The following PTPRD variants were observed in gnomAD, a reference collection of about 807,000 sequenced individuals.
The protein encoded by PTPRD is receptor-type tyrosine-protein phosphatase delta.
In PTPRD, 34 loss-of-function variants were observed where a neutral mutation model predicts 214.5. The observed-to-expected ratio is 0.16, with a 90% CI of 0.12 to 0.21. The LOEUF is 0.21. Ranked by LOEUF, PTPRD falls within the 10% of genes least tolerant of loss-of-function variation. PTPRD has a pLI of 1.00. For synonymous variants in PTPRD, 1,128 were observed against 845.7 expected, an observed-to-expected ratio of 1.33 and a Z score of -5.79; for missense variants, 2,545 against 2,398.7, an observed-to-expected ratio of 1.06 and a Z score of -1.27.
intron 11 of PTPRD, among the ~76,000 whole-genome samples, chr9:8,773,761 A>G (rs72702334): frequency 3.6e-4 from 55 of 152,360 alleles, no homozygotes; most frequent in Admixed American, 1.2e-3. Flanking sequence ...CTTGTTTACA[A>G]TAACTATGAT....
chr9:8,733,992 G>C (rs937536636), intron 11 of PTPRD, 46 bp from the exon 12 acceptor site: 9 of 739,348 alleles, frequency 1.2e-5, no homozygotes, highest in Non-Finnish European at 1.8e-5. Flanking sequence ...AAACACAAAA[G>C]TGCTTAGATT....
chr9:8,816,860 C>G (rs564543529), intron 11 of PTPRD, among the ~76,000 whole-genome samples: 7 of 152,248 alleles, frequency 4.6e-5, no homozygotes, highest in African/African-American at 1.7e-4. Flanking sequence ...AGATTCTTTC[C>G]TCACCTTCTA....
At chr9:8,371,373 A>G (rs141550078) in intron 39 of PTPRD, among the ~76,000 whole-genome samples, 2 of 152,178 alleles carry the variant, frequency 1.3e-5, no homozygotes, top group Non-Finnish European at 2.9e-5. Context: ...ACTAAGGTGT[A>G]AGAGCTGGGG....
At chr9:8,910,832 G>GA (rs1424427722) in intron 11 of PTPRD, among the ~76,000 whole-genome samples, 3 of 152,066 alleles carry the variant, frequency 2.0e-5, no homozygotes, top group Admixed American at 6.5e-5. Flanking sequence ...ATCCAAAAGT[G>GA]AAACTAAGTA....
chr9:10,260,925 G>T (rs770615458), intron 3 of PTPRD, among the ~76,000 whole-genome samples: 11 of 150,436 alleles, frequency 7.3e-5, no homozygotes, highest in Non-Finnish European at 1.0e-4. Flanking sequence ...ATAGTCAAGG[G>T]AATTATATTA....
chr9:10,008,144 C>T (rs537663539), intron 4 of PTPRD, among the ~76,000 whole-genome samples: 10 of 151,918 alleles, frequency 6.6e-5, no homozygotes, highest in Admixed American at 5.3e-4. Context: ...TAACAAATTC[C>T]CTGTTGGCCC....
intron 8 of PTPRD, among the ~76,000 whole-genome samples, chr9:9,568,012 T>C (rs1469174136): frequency 6.6e-6 from 1 of 151,746 alleles, no homozygotes; most frequent in Non-Finnish European, 1.5e-5. Flanking sequence ...CAGACATCTT[T>C]CAATATTGAG....
intron 23 of PTPRD, among the ~76,000 whole-genome samples, chr9:8,503,436 G>T (rs1487921407): frequency 6.6e-6 from 1 of 151,990 alleles, no homozygotes. Context: ...TTCAATTCAA[G>T]GTAAATAGTA....
chr9:10,474,538 G>C (rs544383936), intron 2 of PTPRD, among the ~76,000 whole-genome samples: 1 of 151,940 alleles, frequency 6.6e-6, no homozygotes, highest in Non-Finnish European at 1.5e-5. Flanking sequence ...CACAATAATA[G>C]TAGGAGACTT....
intron 3 of PTPRD, among the ~76,000 whole-genome samples, chr9:10,089,231 A>AAATAAATAAATAAAT (rs1446851028): frequency 2.7e-5 from 4 of 150,894 alleles, no homozygotes; most frequent in African/African-American, 7.3e-5. Context: ...ATAAATAAAT[A>AAATAAATAAATAAAT]AATAAATAGA....
intron 10 of PTPRD, among the ~76,000 whole-genome samples, chr9:9,077,857 T>A (rs146969601): frequency 6.6e-6 from 1 of 152,214 alleles, no homozygotes; most frequent in African/African-American, 2.4e-5. Context: ...ATAGTCCCTC[T>A]GTGTACATTT....
chr9:8,476,984 G>A (rs765587870), intron 30 of PTPRD, among the ~76,000 whole-genome samples: 12 of 151,880 alleles, frequency 7.9e-5, no homozygotes, highest in African/African-American at 1.9e-4. Context: ...TGGCCTACTC[G>A]TGACCCTTGT....
intron 11 of PTPRD, among the ~76,000 whole-genome samples, chr9:8,775,992 A>T (rs1233790893): frequency 6.6e-6 from 1 of 152,228 alleles, no homozygotes; most frequent in African/African-American, 2.4e-5. Context: ...TAAATCAAAA[A>T]ATGCTTCGAA....
chr9:8,755,502 C>T (rs1220571982), intron 11 of PTPRD, among the ~76,000 whole-genome samples: 1 of 148,046 alleles, frequency 6.8e-6, no homozygotes, highest in Non-Finnish European at 1.5e-5. Context: ...GCACTCCAGC[C>T]TGGGCAACAA....
intron 9 of PTPRD, among the ~76,000 whole-genome samples, chr9:9,199,000 T>C (rs780830893): frequency 2.6e-5 from 4 of 152,146 alleles, no homozygotes; most frequent in Non-Finnish European, 5.9e-5. Flanking sequence ...ACTTATGATT[T>C]TTATGATTAA....
intron 4 of PTPRD, among the ~76,000 whole-genome samples, chr9:10,023,265 A>G (rs1166038856): frequency 6.6e-6 from 1 of 152,156 alleles, no homozygotes; most frequent in East Asian, 1.9e-4. Context: ...TTAACAGACA[A>G]CAATTTATCT....
Position 9,824,644 on chromosome 9 carries a change from C to T in PTPRD, c.-367-57793G>A, listed in dbSNP as rs1207088101. On this transcript the variant is annotated intron_variant, in intron 5 of 45. Coordinates refer to ENST00000381196, the MANE Select transcript of PTPRD (RefSeq NM_002839.4). ...CAAAGAAAACAACTGGAACATATTTCAGTTGTAAAAGATATTCTAGTATCA... is the reference window on the plus strand; with the variant it reads ...CAAAGAAAACAACTGGAACATATTTTAGTTGTAAAAGATATTCTAGTATCA... 5.9e-5 allele frequency among the ~76,000 whole-genome samples: 9 copies of T among 151,992 alleles called. No homozygotes were observed. In the East Asian group the frequency reaches 1.2e-3, roughly 20 times the overall value.
chr9:9,232,495 A>G (rs183483940), intron 9 of PTPRD, among the ~76,000 whole-genome samples: 8 of 152,290 alleles, frequency 5.3e-5, no homozygotes, highest in Admixed American at 3.9e-4. Context: ...GATTCCATCA[A>G]TTGTTAAAAG....
At chr9:8,527,855 G>A (rs1274562842) in intron 15 of PTPRD, among the ~76,000 whole-genome samples, 5 of 152,162 alleles carry the variant, frequency 3.3e-5, no homozygotes, top group Non-Finnish European at 7.4e-5. Context: ...GACTTCTGTA[G>A]ATCCAGTCAC....
Sources: allele counts gnomAD v4.1 joint callset (sites outside exome capture counted in the v4.1 genomes callset), GRCh38; gene constraint gnomAD v4.1.1; transcripts MANE v1.5; gene names NCBI Gene and HGNC (gene_info 2026-07-23, HGNC 2026-07-21).